Variants in TANGO6 observed in about 807,000 individuals in gnomAD.
TANGO6 encodes transport and golgi organization 6 homolog, also known as transport and Golgi organization protein 6 homolog.
A neutral mutation model predicts 114.2 loss-of-function variants in TANGO6; 90 were observed. That is an observed-to-expected ratio of 0.79 (90% CI 0.66 to 0.94). The LOEUF (loss-of-function observed/expected upper bound fraction) is 0.94, where lower values mean the gene tolerates loss of function less well. TANGO6 is among the 40% of genes least tolerant of loss of function. The pLI is 0.00. For missense variants in TANGO6, 1,274 were observed against 1,315.3 expected, an observed-to-expected ratio of 0.97 and a Z score of 0.49; for synonymous variants, 477 against 509.8, an observed-to-expected ratio of 0.94 and a Z score of 0.87.
chr16:68,965,162 G>GT (rs953258092), intron 14 of TANGO6, among the ~76,000 whole-genome samples: 34 of 151,368 alleles, frequency 2.2e-4, no homozygotes, highest in South Asian at 8.4e-4. Context: ...TTTTTTGTTT[G>GT]TTTTTTTTAT....
chr16:68,980,409 C>CTCTCTCTCTCTCTCTCTCTCTCTT (rs1408626276), intron 15 of TANGO6, among the ~76,000 whole-genome samples: 1 of 67,994 alleles, frequency 1.5e-5, no homozygotes, highest in Non-Finnish European at 2.7e-5. Context: ...CTCTCTCTCT[C>CTCTCTCTCTCTCTCTCTCTCTCTT]TATATATATA....
chr16:68,921,576 G>C (rs1282169318), intron 12 of TANGO6, among the ~76,000 whole-genome samples: 1 of 130,214 alleles, frequency 7.7e-6, no homozygotes, highest in Non-Finnish European at 1.7e-5. Context: ...ATATTGATTT[G>C]AATAGTCTTT....
chr16:68,975,692 G>A (rs1963759100), intron 15 of TANGO6, among the ~76,000 whole-genome samples: 1 of 151,612 alleles, frequency 6.6e-6, no homozygotes, highest in South Asian at 2.1e-4. Flanking sequence ...CACATAGCTG[G>A]GACTACAGGC....
chr16:69,065,185 G>T (rs1960195296), intron 17 of TANGO6, among the ~76,000 whole-genome samples: 1 of 152,150 alleles, frequency 6.6e-6, no homozygotes, highest in South Asian at 2.1e-4. Flanking sequence ...TTTTGCCACC[G>T]CTGCTCCTGC....
At chr16:69,077,699 C>G (rs1035931088) in intron 17 of TANGO6, among the ~76,000 whole-genome samples, 15 of 151,936 alleles carry the variant, frequency 9.9e-5, no homozygotes, top group African/African-American at 3.6e-4. Context: ...CGTGGTGGCA[C>G]GTGCCTGTAA....
At chr16:69,056,624 T>C (rs147780725) in intron 17 of TANGO6, among the ~76,000 whole-genome samples, 4 of 152,008 alleles carry the variant, frequency 2.6e-5, no homozygotes, top group Admixed American at 2.6e-4. Flanking sequence ...CCAAGAACCC[T>C]TTTTTCATCA....
At position 69,055,844 on chromosome 16, in the gene TANGO6, C is replaced by T. The variant is rs144271403; in HGVS notation, c.3108+15423C>T. On this transcript the variant is annotated intron_variant, in intron 17 of 17. Transcript: ENST00000261778. ...CTGAGGTCAGGAGTTTGAAACCAGC[C>T]TGGCCAACATAGTGAAGCCCTTTCT... is the stretch of plus-strand genomic sequence containing the variant. Among the ~76,000 whole-genome samples the T allele has an allele frequency of 5.3e-4, 80 of 152,296 alleles. 1 individual carries two copies. In the East Asian group the frequency reaches 0.014, roughly 26 times the overall value.
intron 1 of TANGO6, among the ~76,000 whole-genome samples, chr16:68,857,198 T>C (rs1027733595): frequency 6.6e-6 from 1 of 152,222 alleles, no homozygotes; most frequent in Non-Finnish European, 1.5e-5. Flanking sequence ...ATCTTTTTAC[T>C]GTCTCTATAG....
At position 68,845,698 on chromosome 16, in the gene TANGO6, G is replaced by C. The variant is rs1000912576; in HGVS notation, c.94+1987G>C. Among the ~76,000 whole-genome samples, 5 of 152,222 alleles carry C rather than the reference G, an allele frequency of 3.3e-5. No individual in the cohort carries two copies. In the East Asian group the frequency reaches 5.8e-4, roughly 18 times the overall value. ...TACAAAAAACTAAAAAATTGGCCAG[G>C]CATGGTACTACACACCTGTGGTCCC... On this transcript the variant is annotated intron_variant, in intron 1 of 17. Transcript: ENST00000261778.
intron 2 of TANGO6, among the ~76,000 whole-genome samples, chr16:68,862,733 C>T (rs1962115818): frequency 6.6e-6 from 1 of 152,208 alleles, no homozygotes; most frequent in African/African-American, 2.4e-5. Flanking sequence ...AGATCAGTCT[C>T]ATAACCTGCC....
intron 1 of TANGO6, among the ~76,000 whole-genome samples, chr16:68,850,068 G>A (rs1010982094): frequency 6.7e-6 from 1 of 150,112 alleles, no homozygotes; most frequent in East Asian, 2.0e-4. Context: ...CCGCCTCCCA[G>A]GTTCAAGCGA....
chr16:68,902,290 A>G (rs1441729363), intron 8 of TANGO6, 38 bp from the exon 9 acceptor site: 1 of 1,574,204 alleles, frequency 6.4e-7, no homozygotes, highest in African/African-American at 1.4e-5. Context: ...TGCATGGAGT[A>G]AGATGACAAG....
intron 4 of TANGO6, 182 bp downstream of exon 4, chr16:68,867,402 T>A: frequency 1.5e-6 from 1 of 664,240 alleles, no homozygotes; most frequent in Non-Finnish European, 2.5e-6. Flanking sequence ...AAGAAACTAA[T>A]TCTCTTGCTC....
intron 14 of TANGO6, chr16:68,973,071 G>A (rs1051415647): frequency 1.1e-4 from 50 of 454,952 alleles, no homozygotes; most frequent in Non-Finnish European, 1.9e-4. Context: ...CCACTGAGGG[G>A]TCTGGGCAGA....
At chr16:69,065,154 A>AT (rs1960194804) in intron 17 of TANGO6, among the ~76,000 whole-genome samples, 1 of 152,110 alleles carries the variant, frequency 6.6e-6, no homozygotes, top group Admixed American at 6.6e-5. Context: ...TCAGGTTGCT[A>AT]TTTAAAGACA....
At chr16:68,920,424 T>C (rs1036986687) in intron 12 of TANGO6, among the ~76,000 whole-genome samples, 5 of 152,182 alleles carry the variant, frequency 3.3e-5, no homozygotes, top group Non-Finnish European at 4.4e-5. Flanking sequence ...TAGTGAATTG[T>C]AGAGACCAAG....
At chr16:68,882,131 A>G (rs1455723503) in intron 7 of TANGO6, among the ~76,000 whole-genome samples, 1 of 152,192 alleles carries the variant, frequency 6.6e-6, no homozygotes, top group African/African-American at 2.4e-5. Context: ...ATTTCCTCAA[A>G]AAGTTAAACC....
chr16:68,905,887 A>G (rs1310340693), intron 9 of TANGO6, among the ~76,000 whole-genome samples: 1 of 152,140 alleles, frequency 6.6e-6, no homozygotes, highest in Non-Finnish European at 1.5e-5. Flanking sequence ...TTAAAAAAGA[A>G]CAAAACAAAA....
chr16:69,032,107 G>A (rs544341763), intron 16 of TANGO6, among the ~76,000 whole-genome samples: 10 of 152,096 alleles, frequency 6.6e-5, no homozygotes, highest in African/African-American at 2.4e-4. Flanking sequence ...AGTAAGGCCA[G>A]TGTGGCTTCA....
Sources: allele counts gnomAD v4.1 joint callset (sites outside exome capture counted in the v4.1 genomes callset), GRCh38; gene constraint gnomAD v4.1.1; transcripts MANE v1.5; gene names NCBI Gene and HGNC (gene_info 2026-07-23, HGNC 2026-07-21).